Variants in CEP43 observed in about 807,000 individuals in gnomAD.
The protein encoded by CEP43 is FGFR1 oncogene partner.
A neutral mutation model predicts 52.6 loss-of-function variants in CEP43; 36 were observed. The observed-to-expected ratio is 0.68, with a 90% CI of 0.52 to 0.90. The LOEUF (loss-of-function observed/expected upper bound fraction) is 0.90, where lower values mean the gene tolerates loss of function less well. Ranked by LOEUF, CEP43 falls within the 40% of genes least tolerant of loss-of-function variation. The probability of loss-of-function intolerance (pLI) is 0.00; values close to 1 mark genes in which losing one functional copy is unlikely to be tolerated. For missense variants in CEP43, 506 were observed against 472.8 expected (o/e 1.07, Z -0.65); for synonymous variants, 192 against 172.4 (o/e 1.11, Z -0.89).
intron 12 of CEP43, chr6:167,036,692 T>TA (rs1780591776): frequency 3.1e-6 from 3 of 983,506 alleles, no homozygotes; most frequent in Non-Finnish European, 3.6e-6. Flanking sequence ...ACGTTTTAGA[T>TA]ATTTTTATTT....
chr6:167,034,820 A>G (rs777173100), intron 12 of CEP43, among the ~76,000 whole-genome samples: 30 of 152,200 alleles, frequency 2.0e-4, no homozygotes, highest in Admixed American at 7.9e-4. Context: ...ATTAATACCT[A>G]TGTGATAGGA....
rs1224880983 is a variant in CEP43 at position 167,046,809 on chromosome 6, C to G, written c.*6831C>G. ...CTCAGGGTAAGAGGCCCGGCCCTCTCAGCCTGAGTCCATTCTGGCTCCAGA... is the reference window on the plus strand; with the variant it reads ...CTCAGGGTAAGAGGCCCGGCCCTCTGAGCCTGAGTCCATTCTGGCTCCAGA... On this transcript the variant is annotated 3_prime_UTR_variant, in exon 13 of 13. Coordinates refer to ENST00000366847, the MANE Select transcript of CEP43 (RefSeq NM_007045.4). 1 of 152,294 alleles carries G rather than the reference C, an allele frequency of 6.6e-6. No homozygotes were observed. The highest frequency in any genetic ancestry group is 2.4e-5 in the African/African-American group (1 of 41,480). The allele number at this position is 152,294 out of a possible 1,614,324, so 9.4% of individuals were successfully genotyped here.
chr6:167,038,774 C>T (rs1340371338), intron 12 of CEP43, among the ~76,000 whole-genome samples: 1 of 152,120 alleles, frequency 6.6e-6, no homozygotes, highest in Non-Finnish European at 1.5e-5. Flanking sequence ...TAATACTTTA[C>T]AGCAACAGTT....
chr6:167,051,892 T>G lies in CEP43; in HGVS notation c.*11914T>G, dbSNP rs1358972833. 6.6e-6 allele frequency: 1 copy of G among 152,204 alleles called. No homozygotes were observed. Among genetic ancestry groups the G allele is most frequent in the African/African-American group, 2.4e-5 (1 of 41,446 alleles). 9.4% of individuals were successfully genotyped at this position (152,204 alleles called of 1,614,324 possible). On this transcript the variant is annotated 3_prime_UTR_variant, in exon 13 of 13. Coordinates refer to ENST00000366847, the MANE Select transcript of CEP43 (RefSeq NM_007045.4). Reference sequence around the variant, plus strand: ...TATAGTTGGATAATTTTTAGTTCTTTTGATTGGATTGTTTAATTCATTCAT... The same window carrying G: ...TATAGTTGGATAATTTTTAGTTCTTGTGATTGGATTGTTTAATTCATTCAT...
intron 6 of CEP43, chr6:167,011,693 G>C (rs1779989296): frequency 6.5e-6 from 1 of 154,230 alleles, no homozygotes; most frequent in Non-Finnish European, 1.4e-5. Flanking sequence ...CAGTTCTGGA[G>C]GCTGGAAGTC....
chr6:167,018,830 C>T (rs1225885709), intron 7 of CEP43, among the ~76,000 whole-genome samples: 1 of 152,134 alleles, frequency 6.6e-6, no homozygotes, highest in Non-Finnish European at 1.5e-5. Context: ...AACATAAGTT[C>T]GTCTTAACTC....
intron 5 of CEP43, among the ~76,000 whole-genome samples, chr6:167,005,003 A>G (rs1319286130): frequency 1.3e-5 from 2 of 152,198 alleles, no homozygotes; most frequent in African/African-American, 2.4e-5. Context: ...GAGATTAATG[A>G]TATAATTTTA....
At chr6:167,036,576 A>C in intron 12 of CEP43, 1 of 985,450 alleles carries the variant, frequency 1.0e-6, no homozygotes, top group Admixed American at 6.1e-5. Context: ...GCAAACGTGA[A>C]CATTTACACT....
At chr6:167,001,606 T>C (rs1779738310) in intron 2 of CEP43, among the ~76,000 whole-genome samples, 1 of 152,234 alleles carries the variant, frequency 6.6e-6, no homozygotes, top group South Asian at 2.1e-4. Context: ...GACCTGTATG[T>C]TAAACTGCCC....
At chr6:167,018,989 CT>C (rs1780163472) in intron 7 of CEP43, among the ~76,000 whole-genome samples, 1 of 152,156 alleles carries the variant, frequency 6.6e-6, no homozygotes, top group Admixed American at 6.5e-5. Context: ...GAGTTTTGAT[CT>C]TTTCCCAGGA....
In CEP43 at chr6:167,022,399, C is replaced by G. The variant is rs762559634; in HGVS notation, c.580-10C>G. 2 of 1,595,946 alleles carry G rather than the reference C, an allele frequency of 1.3e-6. No individual in the cohort carries two copies. The highest frequency in any genetic ancestry group is 1.7e-5 in the Admixed American group (1 of 58,976). ...CCAAGGAGGCCTTTTCTCTTTCCCT[C>G]TCTTTCTAGAAGGCCAATGATGAGG... On this transcript the variant is annotated splice_polypyrimidine_tract_variant and intron_variant, in intron 7 of 12. Transcript: ENST00000366847.
chr6:167,022,010 AATTT>A (rs1437227568), intron 7 of CEP43, among the ~76,000 whole-genome samples: 23 of 152,210 alleles, frequency 1.5e-4, no homozygotes, highest in South Asian at 4.1e-4. Flanking sequence ...AAAATGTATT[AATTT>A]AAGATAACTT....
chr6:167,041,861 T>A lies in CEP43; in HGVS notation c.*1883T>A. On this transcript the variant is annotated 3_prime_UTR_variant, in exon 13 of 13. Transcript: ENST00000366847. ...GCGGGGGGGACAGAGTCTCACTGTG[T>A]CACTCAGACTGGAGTACAGTGATGC... 1.1e-6 allele frequency: 1 copy of A among 912,226 alleles called. No homozygotes were observed. Among genetic ancestry groups the A allele is most frequent in the South Asian group, 5.2e-5 (1 of 19,402 alleles). The allele number at this position is 912,226 out of a possible 1,614,324, so 56.5% of individuals were successfully genotyped here. A position where few individuals can be genotyped will look rare whatever the true frequency, so the allele number is the denominator to read the frequency against.
At chr6:167,010,735 A>G in intron 5 of CEP43, 78 bp from the exon 6 acceptor site, 1 of 626,574 alleles carries the variant, frequency 1.6e-6, no homozygotes. Context: ...TTTAAATGCT[A>G]AAATTCTATT....
rs908500857 is a variant in CEP43, at chr6:167,003,391, A to G, written c.211+144A>G. ...TTTTAAAATAATATTTTATTGTACA[A>G]CAATCGTGTTGCTATTACATATTTT... is the stretch of plus-strand genomic sequence containing the variant. On this transcript the variant is annotated intron_variant, in intron 3 of 12. Coordinates refer to ENST00000366847, the MANE Select transcript of CEP43 (RefSeq NM_007045.4). 15 of 529,822 alleles carry G rather than the reference A, an allele frequency of 2.8e-5. No homozygotes were observed. The Admixed American group carries it at 3.0e-4, about 11-fold the overall frequency. The allele number at this position is 529,822 out of a possible 1,614,324, so 32.8% of individuals were successfully genotyped here. A position where few individuals can be genotyped will look rare whatever the true frequency, so the allele number is the denominator to read the frequency against.
chr6:167,023,703 G>T (rs1360559393), intron 8 of CEP43, among the ~76,000 whole-genome samples: 1 of 152,186 alleles, frequency 6.6e-6, no homozygotes, highest in Admixed American at 6.5e-5. Context: ...AGAGCAGGGA[G>T]CTAGAAGCAG....
rs1780742184 is a variant in CEP43, at chr6:167,043,404, G to A, written c.*3426G>A. 7.0e-6 allele frequency: 1 copy of A among 142,416 alleles called. No homozygotes were observed. Among genetic ancestry groups the A allele is most frequent in the South Asian group, 2.2e-4 (1 of 4,504 alleles). 8.8% of individuals were successfully genotyped at this position (142,416 alleles called of 1,614,324 possible). A position where few individuals can be genotyped will look rare whatever the true frequency, so the allele number is the denominator to read the frequency against. Reference sequence around the variant, plus strand: ...TTTTTTTTTTTTTTTTTTTGAGGTGGAGTTTTGTTCTTGTTGCCCAGGCTG... The same window carrying A: ...TTTTTTTTTTTTTTTTTTTGAGGTGAAGTTTTGTTCTTGTTGCCCAGGCTG... On this transcript the variant is annotated 3_prime_UTR_variant, in exon 13 of 13. Transcript: ENST00000366847.
In CEP43 at chr6:167,039,966, A is replaced by G; in HGVS notation, c.1188A>G (p.Glu396=). The change falls in exon 13 of 13, where the codon GAA becomes GAG. Residue 396 remains glutamate (E), a synonymous_variant. Transcript: ENST00000366847. ...SQLSDVADYL[E]DVA is the part of the protein sequence containing the mutation. ...TCAGTGATGTTGCGGATTATCTGGA[A>G]GATGTTGCATAGACACGAAGAAGGA... 1 of 1,614,068 alleles carries G rather than the reference A, an allele frequency of 6.2e-7. No homozygotes were observed. Among genetic ancestry groups the G allele is most frequent in the Non-Finnish European group, 8.5e-7 (1 of 1,179,962 alleles).
intron 7 of CEP43, among the ~76,000 whole-genome samples, chr6:167,018,523 T>C (rs1313047460): frequency 6.6e-6 from 1 of 152,108 alleles, no homozygotes; most frequent in Non-Finnish European, 1.5e-5. Context: ...CCTGAGTAGC[T>C]GGGATTACAG....
Sources: gnomAD v4.1 joint callset for allele counts (sites outside exome capture counted in the v4.1 genomes callset) on GRCh38, gnomAD v4.1.1 for gene constraint, MANE v1.5 for transcripts, NCBI Gene and HGNC (gene_info 2026-07-23, HGNC 2026-07-21) for gene names.